Variants in PIWIL3 observed in about 807,000 individuals in gnomAD.
PIWIL3 encodes piwi-like protein 3.
PIWIL3 carries 101 observed loss-of-function variants against 109.7 expected under a neutral mutation model. The observed-to-expected ratio is 0.92, with a 90% CI of 0.78 to 1.09. The LOEUF is 1.09. Among genes scored for constraint, PIWIL3 ranks in the 50% least tolerant of loss-of-function variants. The pLI is 0.00. For missense variants in PIWIL3, 1,031 were observed against 1,072.6 expected (o/e 0.96, Z 0.54); for synonymous variants, 373 against 376.4 (o/e 0.99, Z 0.10).
chr22:24,735,904 TTA>T lies in PIWIL3; in HGVS notation c.1450-14_1450-13del. 1.3e-6 allele frequency: 2 copies of T among 1,578,342 alleles called. No homozygotes were observed. Among genetic ancestry groups the T allele is most frequent in the Non-Finnish European group, 1.7e-6 (2 of 1,162,098 alleles). On this transcript the variant is annotated splice_polypyrimidine_tract_variant and intron_variant, in intron 12 of 20. Coordinates refer to ENST00000616349, the MANE Select transcript of PIWIL3 (RefSeq NM_001255975.1). ...GAATTGGCTTTAACCTGGAAAAGAA[TTA>T]TAAGACATGGCATAAAACTTTATTT...
Position 24,728,355 on chromosome 22 carries a change from T to C in PIWIL3, c.1727A>G (p.Asn576Ser). The C allele has an allele frequency of 6.2e-7, 1 of 1,614,180 alleles. No homozygotes were observed. The highest frequency in any genetic ancestry group is 8.5e-7 in the Non-Finnish European group (1 of 1,180,036). Reference sequence around the variant, plus strand: ...GCTGTCATATCTACGTTTGTCATCATTGGGCAGGATACAAATCACCTTGAA... The same window carrying C: ...GCTGTCATATCTACGTTTGTCATCACTGGGCAGGATACAAATCACCTTGAA... ...TLQMVICILPNDDKRRYDSIK... is the reference protein window; with the variant it reads ...TLQMVICILPSDDKRRYDSIK... The change falls in exon 15 of 21, where the codon AAT becomes AGT. Residue 576 changes from asparagine (N) to serine (S), a missense_variant. Physicochemically the swap from Asn to Ser is conservative, Grantham distance 46 (BLOSUM62 1). Coordinates refer to ENST00000616349, the MANE Select transcript of PIWIL3 (RefSeq NM_001255975.1).
At chr22:24,725,671 GAT>G (rs1407308910) in intron 16 of PIWIL3, among the ~76,000 whole-genome samples, 156 bp from the exon 17 acceptor site, 1 of 152,202 alleles carries the variant, frequency 6.6e-6, no homozygotes, top group Non-Finnish European at 1.5e-5. Context: ...GGTCTCTTTT[GAT>G]ATCTTAGGCA....
At chr22:24,733,713 CA>C (rs35515315) in intron 14 of PIWIL3, among the ~76,000 whole-genome samples, 70,213 of 126,746 alleles carry the variant, frequency 0.55, 16,768 homozygotes, top group Middle Eastern at 0.64. Context: ...ACAACAACAA[CA>C]AAAAAAAACA....
At chr22:24,771,840 T>C (rs1388774479) in intron 1 of PIWIL3, among the ~76,000 whole-genome samples, 1 of 151,896 alleles carries the variant, frequency 6.6e-6, no homozygotes, top group Non-Finnish European at 1.5e-5. Flanking sequence ...TTCAAGCAAT[T>C]CTCCTTCCTC....
At chr22:24,753,555 G>A (rs1397543161) in intron 8 of PIWIL3, among the ~76,000 whole-genome samples, 1 of 152,152 alleles carries the variant, frequency 6.6e-6, no homozygotes, top group Non-Finnish European at 1.5e-5. Context: ...ATTGAGAAGT[G>A]TGAGTCCTCA....
intron 12 of PIWIL3, among the ~76,000 whole-genome samples, chr22:24,739,555 GAA>G (rs139722402): frequency 6.7e-6 from 1 of 149,198 alleles, no homozygotes; most frequent in Non-Finnish European, 1.5e-5. Context: ...AGTGCTGTAG[GAA>G]AAAAAAAATT....
chr22:24,723,002 A>G, intron 19 of PIWIL3, 128 bp downstream of exon 19: 1 of 1,107,524 alleles, frequency 9.0e-7, no homozygotes, highest in Non-Finnish European at 1.3e-6. Flanking sequence ...AGTAAAAAAA[A>G]CAGACCAAAT....
chr22:24,723,962 G>A (rs1922833680), intron 18 of PIWIL3, among the ~76,000 whole-genome samples: 1 of 152,136 alleles, frequency 6.6e-6, no homozygotes, highest in South Asian at 2.1e-4. Context: ...ACAGGCGTGA[G>A]CCACCACGCC....
intron 12 of PIWIL3, among the ~76,000 whole-genome samples, chr22:24,745,846 T>C (rs1186785736): frequency 6.6e-6 from 1 of 150,998 alleles, no homozygotes; most frequent in Non-Finnish European, 1.5e-5. Context: ...TGCCAGTAAA[T>C]TGGAAAATCT....
intron 11 of PIWIL3, 30 bp downstream of exon 11, chr22:24,749,374 C>A: frequency 6.2e-7 from 1 of 1,611,570 alleles, no homozygotes; most frequent in Non-Finnish European, 8.5e-7. Context: ...TGCACATGTA[C>A]ACACACTCAG....
intron 12 of PIWIL3, among the ~76,000 whole-genome samples, chr22:24,747,875 G>T (rs1924465797): frequency 6.6e-6 from 1 of 152,090 alleles, no homozygotes; most frequent in Admixed American, 6.6e-5. Context: ...CAGTTTGGAG[G>T]TTCCTCAAAA....
chr22:24,767,543 C>T (rs1461123896), intron 1 of PIWIL3, among the ~76,000 whole-genome samples: 1 of 146,894 alleles, frequency 6.8e-6, no homozygotes, highest in African/African-American at 2.6e-5. Context: ...AAAGGCGAAA[C>T]TCTGTCTCAA....
intron 9 of PIWIL3, among the ~76,000 whole-genome samples, chr22:24,750,649 C>T (rs13054805): frequency 0.65 from 97,114 of 149,792 alleles, 31,653 homozygotes; most frequent in East Asian, 0.74. Flanking sequence ...CCACCATGCC[C>T]GGCTAATTTT....
intron 1 of PIWIL3, among the ~76,000 whole-genome samples, chr22:24,767,657 A>G (rs6004273): frequency 0.3 from 45,618 of 152,044 alleles, 7,516 homozygotes; most frequent in East Asian, 0.55. Flanking sequence ...TGGGAATATC[A>G]TAAGGAAAGA....
intron 1 of PIWIL3, among the ~76,000 whole-genome samples, chr22:24,765,759 T>C (rs1268514728): frequency 6.6e-6 from 1 of 151,062 alleles, no homozygotes; most frequent in African/African-American, 2.4e-5. Flanking sequence ...GGTCAATAAA[T>C]TTAGAGGAAA....
chr22:24,735,622 C>T, intron 13 of PIWIL3, 86 bp downstream of exon 13: 2 of 1,317,822 alleles, frequency 1.5e-6, no homozygotes, highest in Non-Finnish European at 2.1e-6. Flanking sequence ...GATACAGTGA[C>T]CAATTCCTAC....
In PIWIL3 at chr22:24,724,982, C is replaced by T. The variant is rs763451887; in HGVS notation, c.2136G>A (p.Val712=). 4 of 1,614,062 alleles carry T rather than the reference C, an allele frequency of 2.5e-6. No individual in the cohort carries two copies. The highest frequency in any genetic ancestry group is 1.3e-5 in the African/African-American group (1 of 74,922). ...GACCATCTCCCACTCCATCCCGATACACAATAACAGAATGTGGCATCGATG... is the reference window on the plus strand; with the variant it reads ...GACCATCTCCCACTCCATCCCGATATACAATAACAGAATGTGGCATCGATG... ...NESSMPHSVI[V]YRDGVGDGQL... The change falls in exon 18 of 21, where the codon GTG becomes GTA. Residue 712 remains valine, a synonymous_variant. Transcript: ENST00000616349.
chr22:24,758,378 T>TA (rs1244461606), intron 3 of PIWIL3, among the ~76,000 whole-genome samples: 1 of 152,218 alleles, frequency 6.6e-6, no homozygotes, highest in East Asian at 1.9e-4. Flanking sequence ...GTGGGCATCA[T>TA]AAAATGCCAA....
chr22:24,751,597 A>G, intron 8 of PIWIL3, 99 bp from the exon 9 acceptor site: 1 of 1,515,420 alleles, frequency 6.6e-7, no homozygotes, highest in Non-Finnish European at 8.8e-7. Flanking sequence ...GAATTGCAGA[A>G]TATATTAGAT....
Sources: allele counts gnomAD v4.1 joint callset (sites outside exome capture counted in the v4.1 genomes callset), GRCh38; gene constraint gnomAD v4.1.1; transcripts MANE v1.5; gene names NCBI Gene and HGNC (gene_info 2026-07-23, HGNC 2026-07-21).